ARMC9: variants seen among roughly 807,000 people sequenced by gnomAD.
ARMC9 encodes lisH domain-containing protein ARMC9.
ARMC9 carries 94 observed loss-of-function variants against 107.0 expected under a neutral mutation model. The ratio of observed to expected loss-of-function variants is 0.88; its 90% CI spans 0.74 to 1.04. The LOEUF (loss-of-function observed/expected upper bound fraction) is 1.04, where lower values mean the gene tolerates loss of function less well. Ranked by LOEUF, ARMC9 falls within the 50% of genes least tolerant of loss-of-function variation. ARMC9 has a pLI of 0.00. For missense variants in ARMC9, 942 were observed against 1,030.1 expected, an observed-to-expected ratio of 0.91 and a Z score of 1.17; for synonymous variants, 380 against 396.9, an observed-to-expected ratio of 0.96 and a Z score of 0.51.
rs2046200422 is a variant in ARMC9, at chr2:231,376,455, G to A, written c.*4920G>A. On this transcript the variant is annotated 3_prime_UTR_variant, in exon 25 of 25. Coordinates refer to ENST00000611582, the MANE Select transcript of ARMC9 (RefSeq NM_001352754.2). Reference sequence around the variant, plus strand: ...GGGGGCGTGGTCGTCTCTTATGGTCGAGGCTGCAGAGATGAAATAAACTCC... The same window carrying A: ...GGGGGCGTGGTCGTCTCTTATGGTCAAGGCTGCAGAGATGAAATAAACTCC... 1.3e-5 allele frequency among the ~76,000 whole-genome samples: 2 copies of A among 152,058 alleles called. No individual in the cohort carries two copies. The highest frequency in any genetic ancestry group is 2.4e-5 in the African/African-American group (1 of 41,354).
In ARMC9 at chr2:231,235,391, A is replaced by T; in HGVS notation, c.780+10A>T. On this transcript the variant is annotated intron_variant, in intron 8 of 24. Transcript: ENST00000611582. ...AGTCAGCGGCAAGATGGTAAGGAAG[A>T]TCCCTAATTGTGTGTATGTCTGTTT... 1 of 1,614,030 alleles carries T rather than the reference A, an allele frequency of 6.2e-7. No homozygotes were observed. Among genetic ancestry groups the T allele is most frequent in the Non-Finnish European group, 8.5e-7 (1 of 1,179,946 alleles).
intron 10 of ARMC9, among the ~76,000 whole-genome samples, 168 bp downstream of exon 10, chr2:231,256,788 T>A (rs1349763143): frequency 6.6e-6 from 1 of 152,222 alleles, no homozygotes; most frequent in Non-Finnish European, 1.5e-5. Flanking sequence ...GTAATGTTGT[T>A]AAACTAGAAT....
At chr2:231,357,058 T>C (rs544914346) in intron 22 of ARMC9, among the ~76,000 whole-genome samples, 1 of 152,256 alleles carries the variant, frequency 6.6e-6, no homozygotes, top group Non-Finnish European at 1.5e-5. Flanking sequence ...TGCTGTTACC[T>C]GCAGGGCGGA....
At position 231,271,045 on chromosome 2, in the gene ARMC9, A is replaced by G; in HGVS notation, c.1183A>G (p.Ile395Val). The G allele has an allele frequency of 6.2e-7, 1 of 1,614,182 alleles. No individual in the cohort carries two copies. The highest frequency in any genetic ancestry group is 8.5e-7 in the Non-Finnish European group (1 of 1,180,038). ...DVVRQYMARLINAFASLAEGR... is the reference protein window; with the variant it reads ...DVVRQYMARLVNAFASLAEGR... Reference sequence around the variant, plus strand: ...GGTGCGGCAGTACATGGCCAGGCTCATCAATGCTTTTGCGTCACTGGCAGA... The same window carrying G: ...GGTGCGGCAGTACATGGCCAGGCTCGTCAATGCTTTTGCGTCACTGGCAGA... The change falls in exon 13 of 25, where the codon ATC becomes GTC. Residue 395 changes from isoleucine to valine, a missense_variant. Physicochemically the swap from Ile to Val is conservative, Grantham distance 29. Transcript: ENST00000611582.
chr2:231,246,854 G>A (rs1160214651), intron 9 of ARMC9, among the ~76,000 whole-genome samples: 1 of 152,016 alleles, frequency 6.6e-6, no homozygotes, highest in East Asian at 1.9e-4. Context: ...GCCTTGCTTT[G>A]TCGCCCAGGC....
At position 231,252,439 on chromosome 2, in the gene ARMC9, G is replaced by A. The variant is rs184320488; in HGVS notation, c.880-4147G>A. Among the ~76,000 whole-genome samples the A allele has an allele frequency of 2.6e-4, 40 of 152,124 alleles. No individual in the cohort carries two copies. The South Asian group carries it at 5.2e-3, about 20-fold the overall frequency. Reference sequence around the variant, plus strand: ...TAATTTTTGTACTTTTAGTGGAGACGGGGTTTCACCATGTTGGTCAGGCTG... The same window carrying A: ...TAATTTTTGTACTTTTAGTGGAGACAGGGTTTCACCATGTTGGTCAGGCTG... On this transcript the variant is annotated intron_variant, in intron 9 of 24. Coordinates refer to ENST00000611582, the MANE Select transcript of ARMC9 (RefSeq NM_001352754.2).
chr2:231,270,158 G>A (rs2039199455), intron 12 of ARMC9, among the ~76,000 whole-genome samples: 1 of 152,148 alleles, frequency 6.6e-6, no homozygotes, highest in Non-Finnish European at 1.5e-5. Context: ...GGTTGCCAGG[G>A]TCCTGGGAGC....
At chr2:231,300,457 A>G (rs2041651914) in intron 19 of ARMC9, among the ~76,000 whole-genome samples, 1 of 152,228 alleles carries the variant, frequency 6.6e-6, no homozygotes, top group Non-Finnish European at 1.5e-5. Flanking sequence ...GATAGGGAAG[A>G]TCACAGTGAT....
intron 9 of ARMC9, among the ~76,000 whole-genome samples, chr2:231,240,784 A>G (rs1040771386): frequency 3.9e-5 from 6 of 152,140 alleles, no homozygotes; most frequent in African/African-American, 1.2e-4. Context: ...TCTAGGGTCA[A>G]TTGTCACATT....
chr2:231,332,117 A>G (rs1684887105), intron 20 of ARMC9, among the ~76,000 whole-genome samples: 1 of 152,356 alleles, frequency 6.6e-6, no homozygotes, highest in Non-Finnish European at 1.5e-5. Context: ...GGGGAAAGAT[A>G]TAACTAGAAG....
chr2:231,276,181 T>C (rs2039730930), intron 14 of ARMC9, among the ~76,000 whole-genome samples: 1 of 152,206 alleles, frequency 6.6e-6, no homozygotes, highest in Admixed American at 6.5e-5. Flanking sequence ...ATTTTTGTTA[T>C]TTCAATTGTA....
intron 11 of ARMC9, among the ~76,000 whole-genome samples, chr2:231,259,328 A>C (rs1467925380): frequency 1.3e-5 from 2 of 152,138 alleles, no homozygotes; most frequent in Non-Finnish European, 2.9e-5. Flanking sequence ...AGATAAATGA[A>C]TTTCAAGGCC....
intron 9 of ARMC9, chr2:231,256,046 A>T: frequency 6.6e-7 from 1 of 1,505,698 alleles, no homozygotes; most frequent in Non-Finnish European, 8.9e-7. Context: ...TCTCAAAAAA[A>T]ACAAAAACAA....
At chr2:231,237,533 A>T (rs1024323408) in intron 8 of ARMC9, among the ~76,000 whole-genome samples, 4 of 151,804 alleles carry the variant, frequency 2.6e-5, no homozygotes, top group African/African-American at 9.7e-5. Flanking sequence ...ATTTTGATAG[A>T]GGTTGCTAAA....
At chr2:231,222,908 G>A (rs1280668437) in intron 6 of ARMC9, 88 bp downstream of exon 6, 3 of 816,602 alleles carry the variant, frequency 3.7e-6, no homozygotes, top group East Asian at 2.6e-5. Context: ...TATTGAGGTT[G>A]CCTCATTAAA....
intron 19 of ARMC9, among the ~76,000 whole-genome samples, chr2:231,330,407 C>T (rs2043648809): frequency 6.6e-6 from 1 of 152,086 alleles, no homozygotes; most frequent in South Asian, 2.1e-4. Context: ...CTAATGCCTC[C>T]CTGCCTAGAA....
intron 23 of ARMC9, among the ~76,000 whole-genome samples, chr2:231,369,010 TC>T (rs1251387027): frequency 6.6e-6 from 1 of 152,208 alleles, no homozygotes; most frequent in Non-Finnish European, 1.5e-5. Flanking sequence ...CACAGTCTCC[TC>T]CCAAGTCCTA....
rs2039771765 is a variant in ARMC9 at position 231,276,559 on chromosome 2, T to C, written c.1335-77T>C. 1.9e-6 allele frequency: 3 copies of C among 1,588,996 alleles called. No homozygotes were observed. In the Admixed American group the frequency reaches 5.1e-5, roughly 27 times the overall value. ...TGCTGGGATTACAGGCATGAGCCAC[T>C]GCTTCCAGCCTACTGTTTCCTCTTA... On this transcript the variant is annotated intron_variant, in intron 14 of 24. Coordinates refer to ENST00000611582, the MANE Select transcript of ARMC9 (RefSeq NM_001352754.2).
chr2:231,363,850 C>T (rs1172852418), intron 23 of ARMC9, among the ~76,000 whole-genome samples: 1 of 140,286 alleles, frequency 7.1e-6, no homozygotes, highest in African/African-American at 2.7e-5. Context: ...CACCACTGCA[C>T]TCCAGCCTGG....
Sources: gnomAD v4.1 joint callset for allele counts (sites outside exome capture counted in the v4.1 genomes callset) on GRCh38, gnomAD v4.1.1 for gene constraint, MANE v1.5 for transcripts, NCBI Gene and HGNC (gene_info 2026-07-23, HGNC 2026-07-21) for gene names.